Variants in NBAS observed in about 807,000 individuals in gnomAD.
The protein encoded by NBAS is NAG/BC035112 fusion.
NBAS carries 219 observed loss-of-function variants against 302.5 expected under a neutral mutation model. That is an observed-to-expected ratio of 0.72 (90% confidence interval 0.65 to 0.81). NBAS has a LOEUF of 0.81. Ranked by LOEUF, NBAS falls within the 30% of genes least tolerant of loss-of-function variation. The pLI is 0.00. For missense variants in NBAS, 2,932 were observed against 2,841.6 expected (o/e 1.03, Z -0.72); for synonymous variants, 1,118 against 1,021.6 (o/e 1.09, Z -1.80).
At chr2:15,046,801 G>A in the NBAS span, among the ~76,000 whole-genome samples, 1 of 152,154 alleles carries the variant, frequency 6.6e-6, no homozygotes, top group Non-Finnish European at 1.5e-5. Flanking sequence ...ACTCTAAGAT[G>A]GGGGCCTGGT....
At chr2:15,557,690 C>T (rs1474772562) in intron 2 of NBAS, among the ~76,000 whole-genome samples, 1 of 152,146 alleles carries the variant, frequency 6.6e-6, no homozygotes, top group Non-Finnish European at 1.5e-5. Flanking sequence ...TAAGGATGGA[C>T]TTTGAAGCCA....
the NBAS span, among the ~76,000 whole-genome samples, chr2:14,926,681 C>T: frequency 2.0e-5 from 3 of 152,174 alleles, no homozygotes; most frequent in African/African-American, 7.2e-5. Context: ...TACATTCACA[C>T]TGTTTTGCAA....
the NBAS span, among the ~76,000 whole-genome samples, chr2:14,958,194 G>A: frequency 6.6e-6 from 1 of 152,224 alleles, no homozygotes; most frequent in Non-Finnish European, 1.5e-5. Context: ...TTTACTGGTA[G>A]AGACAGAAGG....
chr2:15,185,036 G>C (rs1665012451), intron 50 of NBAS, among the ~76,000 whole-genome samples: 2 of 152,328 alleles, frequency 1.3e-5, no homozygotes, highest in South Asian at 4.1e-4. Context: ...AATTGTATGA[G>C]AGACATTCAA....
chr2:14,814,653 C>A, the NBAS span, among the ~76,000 whole-genome samples: 1 of 152,142 alleles, frequency 6.6e-6, no homozygotes, highest in Admixed American at 6.5e-5. Context: ...GCAGAAGGGA[C>A]TTGCCTTGTC....
At chr2:15,218,337 G>GATAT (rs35934155) in intron 48 of NBAS, among the ~76,000 whole-genome samples, 3 of 152,014 alleles carry the variant, frequency 2.0e-5, no homozygotes, top group South Asian at 2.1e-4. Flanking sequence ...ATAGCTGATT[G>GATAT]ATATATATAC....
rs1382933793 is a variant in NBAS at position 15,424,360 on chromosome 2, G to A, written c.2532C>T (p.Asp844=). Residue 844 remains aspartate (D), a synonymous_variant, in exon 23 of 52, where the codon GAC becomes GAT. Transcript: ENST00000281513. The part of the protein sequence containing the change: ...MTQLTVEKVM[D]WYQTRAEEIE... ...TTTCCTCTGCTCTGGTCTGATACCA[G>A]TCCATAACCTTCTCCACCGTAAGCT... is the stretch of plus-strand genomic sequence containing the variant. 6.2e-7 allele frequency: 1 copy of A among 1,614,070 alleles called. No homozygotes were observed. The highest frequency in any genetic ancestry group is 1.3e-5 in the African/African-American group (1 of 75,032).
At chr2:15,510,541 A>G (rs1012317971) in intron 10 of NBAS, among the ~76,000 whole-genome samples, 2 of 152,242 alleles carry the variant, frequency 1.3e-5, no homozygotes, top group Non-Finnish European at 1.5e-5. Flanking sequence ...AAAAATATGT[A>G]TATGATAAGC....
At chr2:15,167,459 C>T (rs892633022) in intron 51 of NBAS, 136 bp from the exon 52 acceptor site, 17 of 1,114,092 alleles carry the variant, frequency 1.5e-5, no homozygotes, top group Admixed American at 4.0e-5. Context: ...GTGTGGGTCA[C>T]GAGCACCTCT....
chr2:15,041,866 T>C, the NBAS span, among the ~76,000 whole-genome samples: 3 of 152,288 alleles, frequency 2.0e-5, no homozygotes, highest in East Asian at 5.8e-4. Context: ...TTTTCCCTTT[T>C]CTCTACTACA....
At chr2:15,349,626 A>G (rs1673255304) in intron 35 of NBAS, among the ~76,000 whole-genome samples, 1 of 152,092 alleles carries the variant, frequency 6.6e-6, no homozygotes, top group Admixed American at 6.6e-5. Context: ...CAGTAGCCTC[A>G]TGTGGTTATT....
chr2:14,799,202 C>G, the NBAS span, among the ~76,000 whole-genome samples: 1 of 151,914 alleles, frequency 6.6e-6, no homozygotes, highest in Non-Finnish European at 1.5e-5. Flanking sequence ...ATAAATTTAC[C>G]TCTAAATTCA....
the NBAS span, among the ~76,000 whole-genome samples, chr2:15,040,985 C>T: frequency 1.3e-5 from 2 of 152,296 alleles, no homozygotes. Context: ...AGCTTCATCC[C>T]CTCAAATCTA....
chr2:15,252,760 T>A (rs567471896), intron 44 of NBAS, among the ~76,000 whole-genome samples: 2 of 152,184 alleles, frequency 1.3e-5, no homozygotes, highest in African/African-American at 4.8e-5. Context: ...CTCCTTTTCA[T>A]GTTCAAACAC....
intron 35 of NBAS, among the ~76,000 whole-genome samples, chr2:15,348,872 T>A (rs1312732436): frequency 6.6e-6 from 1 of 152,014 alleles, no homozygotes; most frequent in African/African-American, 2.4e-5. Context: ...CAATACCACG[T>A]CACACCGTAA....
chr2:14,891,952 C>T, the NBAS span, among the ~76,000 whole-genome samples: 40 of 152,304 alleles, frequency 2.6e-4, no homozygotes, highest in African/African-American at 9.1e-4. Context: ...CCAGCACTGA[C>T]AATTATTTCC....
intron 48 of NBAS, among the ~76,000 whole-genome samples, chr2:15,195,083 A>G (rs936495133): frequency 4.6e-5 from 7 of 152,170 alleles, no homozygotes; most frequent in African/African-American, 1.7e-4. Context: ...ACCAAAAATA[A>G]ACATGTATTA....
chr2:15,310,955 A>G (rs904510567), intron 38 of NBAS, among the ~76,000 whole-genome samples: 1 of 152,242 alleles, frequency 6.6e-6, no homozygotes, highest in Non-Finnish European at 1.5e-5. Flanking sequence ...TCTCTTGCCT[A>G]CAAAATCCAA....
In NBAS at chr2:15,275,672, G is replaced by A; in HGVS notation, c.5536C>T (p.Leu1846=). The change falls in exon 44 of 52, where the codon CTG becomes TTG. Residue 1846 remains leucine (L), a synonymous_variant. Transcript: ENST00000281513. ...KDGQMLSPSS[L]YTIWLQKLFW... Reference sequence around the variant, plus strand: ...AACTTCTGTAACCAGATGGTGTACAGAGAGCTTGGGGAAAGCATCTGTCCA... The same window carrying A: ...AACTTCTGTAACCAGATGGTGTACAAAGAGCTTGGGGAAAGCATCTGTCCA... 1.2e-6 allele frequency: 2 copies of A among 1,614,214 alleles called. No individual in the cohort carries two copies. The highest frequency in any genetic ancestry group is 1.7e-6 in the Non-Finnish European group (2 of 1,180,040).
Sources: allele counts gnomAD v4.1 joint callset (sites outside exome capture counted in the v4.1 genomes callset), GRCh38; gene constraint gnomAD v4.1.1; transcripts MANE v1.5; gene names NCBI Gene and HGNC (gene_info 2026-07-23, HGNC 2026-07-21).